The following TET1 variants were observed in gnomAD, a reference collection of about 807,000 sequenced individuals.
TET1 encodes methylcytosine dioxygenase TET1.
In TET1, 13 loss-of-function variants were observed where a neutral mutation model predicts 148.7. The ratio of observed to expected loss-of-function variants is 0.09; its 90% CI spans 0.06 to 0.14. The LOEUF is 0.14. Ranked by LOEUF, TET1 falls within the 10% of genes least tolerant of loss-of-function variation. The probability of loss-of-function intolerance (pLI) is 1.00; values close to 1 mark genes in which losing one functional copy is unlikely to be tolerated. For synonymous variants in TET1, 907 were observed against 937.2 expected (o/e 0.97, Z 0.59); for missense variants, 2,182 against 2,553.8 (o/e 0.85, Z 3.14).
chr10:68,626,847 C>A (rs1378839223), intron 3 of TET1, among the ~76,000 whole-genome samples: 2 of 152,098 alleles, frequency 1.3e-5, no homozygotes, highest in South Asian at 2.1e-4. Context: ...CTATGACTGG[C>A]CCCTTGTTAT....
chr10:68,582,804 A>G (rs1054440960), intron 2 of TET1, among the ~76,000 whole-genome samples: 2 of 152,212 alleles, frequency 1.3e-5, no homozygotes, highest in African/African-American at 4.8e-5. Context: ...GGCAGATGTT[A>G]TATGTACTTA....
At chr10:68,605,484 C>CT (rs1202028111) in intron 3 of TET1, among the ~76,000 whole-genome samples, 1 of 152,122 alleles carries the variant, frequency 6.6e-6, no homozygotes, top group Non-Finnish European at 1.5e-5. Flanking sequence ...ACTTAACATT[C>CT]CCATCATTTA....
chr10:68,628,869 A>C (rs2054527452), intron 3 of TET1, among the ~76,000 whole-genome samples: 1 of 152,208 alleles, frequency 6.6e-6, no homozygotes, highest in Non-Finnish European at 1.5e-5. Context: ...ATGCAGCCTG[A>C]AGGAATGAGA....
At chr10:68,603,648 C>G (rs1229132742) in intron 3 of TET1, among the ~76,000 whole-genome samples, 3 of 151,992 alleles carry the variant, frequency 2.0e-5, no homozygotes, top group African/African-American at 7.3e-5. Context: ...GTGTGCACTT[C>G]TAGTCCTAGC....
At chr10:68,622,239 C>T (rs796681743) in intron 3 of TET1, among the ~76,000 whole-genome samples, 1 of 136,486 alleles carries the variant, frequency 7.3e-6, no homozygotes, top group Non-Finnish European at 1.5e-5. Context: ...CCTCCCTTCC[C>T]TCCCTCCCTC....
chr10:68,645,267 T>C lies in TET1; in HGVS notation c.2538T>C (p.His846=). ...CTTCACACTCCATCATAAATCATCA[T>C]GCTAGTATACACAATGAAGGTGATC... ...PHSSHSIINH[H]ASIHNEGDQP... is the part of the protein sequence containing the mutation. The change falls in exon 4 of 12, where the codon CAT becomes CAC. Residue 846 remains histidine (H), a synonymous_variant. Transcript: ENST00000373644. 2 of 1,614,172 alleles carry C rather than the reference T, an allele frequency of 1.2e-6. No homozygotes were observed. The highest frequency in any genetic ancestry group is 1.7e-5 in the Admixed American group (1 of 60,028).
At chr10:68,583,825 C>T (rs1389438077) in intron 2 of TET1, among the ~76,000 whole-genome samples, 8 of 151,822 alleles carry the variant, frequency 5.3e-5, no homozygotes, top group East Asian at 3.9e-4. Context: ...GCAAGAGGAT[C>T]GCTTGAACCT....
At chr10:68,562,808 G>C (rs1414497376) in intron 1 of TET1, among the ~76,000 whole-genome samples, 1 of 151,274 alleles carries the variant, frequency 6.6e-6, no homozygotes, top group Non-Finnish European at 1.5e-5. Flanking sequence ...CTGAGCGTCC[G>C]TATCTTCCCT....
Position 68,691,508 on chromosome 10 carries a change from C to A in TET1, c.6105C>A (p.His2035Gln), listed in dbSNP as rs1378130070. Residue 2035 changes from histidine (H) to glutamine (Q), a missense_variant, in exon 12 of 12, where the codon CAC (histidine) becomes CAA (glutamine). By Grantham distance (24) the His-to-Gln change is conservative. This residue lies in a region of TET1 where 20 missense variants were observed against 23.9 expected (regional missense o/e 0.84). Coordinates refer to ENST00000373644, the MANE Select transcript of TET1 (RefSeq NM_030625.3). The surrounding 1 kb of genome is among the most constrained non-coding windows in gnomAD (Gnocchi z 4.4). ...TGCACGCTACCACTCCTGTTGAGCACCCCAACCGTAATCATCCAACCCGCC... is the reference window on the plus strand; with the variant it reads ...TGCACGCTACCACTCCTGTTGAGCAACCCAACCGTAATCATCCAACCCGCC... ...RELHATTPVEHPNRNHPTRLS... is the reference protein window; with the variant it reads ...RELHATTPVEQPNRNHPTRLS... 2 of 1,614,002 alleles carry A rather than the reference C, an allele frequency of 1.2e-6. No homozygotes were observed. The highest frequency in any genetic ancestry group is 1.7e-6 in the Non-Finnish European group (2 of 1,180,004).
chr10:68,640,792 C>T (rs975895210), intron 3 of TET1, among the ~76,000 whole-genome samples: 1 of 151,470 alleles, frequency 6.6e-6, no homozygotes, highest in Non-Finnish European at 1.5e-5. Flanking sequence ...ACCTCGTGAT[C>T]TGCCCGCCTT....
intron 1 of TET1, among the ~76,000 whole-genome samples, chr10:68,569,230 T>A (rs1197048178): frequency 7.2e-6 from 1 of 139,174 alleles, no homozygotes; most frequent in East Asian, 2.2e-4. Context: ...TGGAGTGCAG[T>A]GGTGCAATCT....
In TET1 at chr10:68,582,329, C is replaced by G. The variant is rs964421578; in HGVS notation, c.1914+8077C>G. On this transcript the variant is annotated intron_variant, in intron 2 of 11. Transcript: ENST00000373644. The stretch of plus-strand genomic sequence containing the variant: ...GGTCAGGCTGGTCTTGAACTAACCT[C>G]AGGTGATCCGCCCACCTCGTCCTCC... Among the ~76,000 whole-genome samples the G allele has an allele frequency of 5.3e-5, 8 of 152,130 alleles. No individual in the cohort carries two copies. In the South Asian group the frequency reaches 1.7e-3, roughly 32 times the overall value.
chr10:68,571,028 T>A (rs1467288001), intron 1 of TET1, among the ~76,000 whole-genome samples: 1 of 152,002 alleles, frequency 6.6e-6, no homozygotes, highest in Non-Finnish European at 1.5e-5. Context: ...TCTCGCTGTG[T>A]CACCCAGGCT....
In TET1 at chr10:68,670,039, CTTAT is replaced by C. The variant is rs1220291645; in HGVS notation, c.4673+2786_4673+2789del. Reference sequence around the variant, plus strand: ...CATACAAACACGTTACTGTTGTAGACTTATTTCTTTCTTGATCATTTGAGAGCTA... The same window carrying C: ...CATACAAACACGTTACTGTTGTAGACTTCTTTCTTGATCATTTGAGAGCTA... On this transcript the variant is annotated intron_variant, in intron 7 of 11. Transcript: ENST00000373644. Among the ~76,000 whole-genome samples the C allele has an allele frequency of 2.6e-5, 4 of 152,106 alleles. No individual in the cohort carries two copies. In the East Asian group the frequency reaches 7.7e-4, roughly 29 times the overall value.
intron 3 of TET1, among the ~76,000 whole-genome samples, chr10:68,610,712 T>A (rs1327785676): frequency 6.6e-6 from 1 of 152,076 alleles, no homozygotes; most frequent in Non-Finnish European, 1.5e-5. Flanking sequence ...GGCTAGAGTG[T>A]AGTGGTGTGA....
chr10:68,672,487 CAAAAAAAAAAAA>C (rs71483920), intron 7 of TET1, among the ~76,000 whole-genome samples: 95 of 49,734 alleles, frequency 1.9e-3, no homozygotes, highest in African/African-American at 8.3e-3. Flanking sequence ...GACCCCATCT[CAAAAAAAAAAAA>C]AAAAAAAAAA....
intron 1 of TET1, among the ~76,000 whole-genome samples, chr10:68,567,564 G>A (rs888550119): frequency 6.6e-6 from 1 of 151,838 alleles, no homozygotes; most frequent in Non-Finnish European, 1.5e-5. Flanking sequence ...ATAGTGCTGG[G>A]ATTACAGGCA....
In TET1 at chr10:68,603,791, CACT is replaced by C. The variant is rs373082916; in HGVS notation, c.1968+2759_1968+2761del. ...ACCTTGTCTCCCACCACCAAAAGAA[CACT>C]ATTATCCATATTTATACCATATTCA... On this transcript the variant is annotated intron_variant, in intron 3 of 11. Transcript: ENST00000373644. Among the ~76,000 whole-genome samples, 102 of 152,238 alleles carry C rather than the reference CACT, an allele frequency of 6.7e-4. 1 individual carries two copies. In the East Asian group the frequency reaches 0.017, roughly 25 times the overall value.
At position 68,644,626 on chromosome 10, in the gene TET1, T is replaced by C. The variant is rs1037371613; in HGVS notation, c.1969-72T>C. On this transcript the variant is annotated intron_variant, in intron 3 of 11. Transcript: ENST00000373644. ...CAGGGGCTTTACATTTAGTTGTTAT[T>C]AAATTTTAATCTTCTATGGCTGTTA... 6 of 1,424,570 alleles carry C rather than the reference T, an allele frequency of 4.2e-6. 1 individual carries two copies. Among genetic ancestry groups the C allele is most frequent in the Admixed American group, 5.3e-5 (2 of 37,838 alleles). 88.2% of individuals were successfully genotyped at this position (1,424,570 alleles called of 1,614,324 possible). A position where few individuals can be genotyped will look rare whatever the true frequency, so the allele number is the denominator to read the frequency against.
Sources: allele counts gnomAD v4.1 joint callset (sites outside exome capture counted in the v4.1 genomes callset), GRCh38; gene constraint gnomAD v4.1.1; regional missense constraint gnomAD v4.1.1; non-coding constraint Gnocchi (gnomAD v3.1); transcripts MANE v1.5; gene names NCBI Gene and HGNC (gene_info 2026-07-23, HGNC 2026-07-21).